The following MYH13 variants were observed in gnomAD, a reference collection of about 807,000 sequenced individuals.
MYH13 encodes the protein myosin heavy chain 13.
MYH13 carries 177 observed loss-of-function variants against 232.1 expected under a neutral mutation model. That is an observed-to-expected ratio of 0.76 (90% CI 0.67 to 0.86). The LOEUF is 0.86. MYH13 is among the 40% of genes least tolerant of loss of function. The probability of loss-of-function intolerance (pLI) is 0.00; values close to 1 mark genes in which losing one functional copy is unlikely to be tolerated. For synonymous variants in MYH13, 884 were observed against 923.5 expected (o/e 0.96, Z 0.78); for missense variants, 2,246 against 2,405.9 (o/e 0.93, Z 1.39).
At chr17:10,329,200 T>C (rs1016862845) in intron 21 of MYH13, among the ~76,000 whole-genome samples, 2 of 152,192 alleles carry the variant, frequency 1.3e-5, no homozygotes, top group Admixed American at 1.3e-4. Context: ...CGGTTCATTA[T>C]GGCTCTGACA....
chr17:10,308,443 C>CTT (rs57432823), intron 35 of MYH13, among the ~76,000 whole-genome samples: 18 of 113,108 alleles, frequency 1.6e-4, no homozygotes, highest in South Asian at 2.7e-4. Flanking sequence ...TTAATTAAAA[C>CTT]TTTTTTTTTT....
At chr17:10,302,896 C>T (rs554003507) in intron 39 of MYH13, among the ~76,000 whole-genome samples, 16 of 150,694 alleles carry the variant, frequency 1.1e-4, no homozygotes, top group African/African-American at 2.7e-4. Context: ...GGTGATCCAA[C>T]GCCAGCAGAG....
At chr17:10,318,494 C>T (rs563073226) in intron 27 of MYH13, among the ~76,000 whole-genome samples, 30 of 152,248 alleles carry the variant, frequency 2.0e-4, no homozygotes, top group Admixed American at 6.5e-4. Flanking sequence ...AACAGGCCTC[C>T]GACAGACACC....
chr17:10,323,257 G>C (rs1370716858), intron 23 of MYH13, among the ~76,000 whole-genome samples: 1 of 152,132 alleles, frequency 6.6e-6, no homozygotes, highest in Non-Finnish European at 1.5e-5. Context: ...CTTTCCCAAA[G>C]GCTGCATCAG....
At chr17:10,366,146 G>T (rs921453126) in intron 2 of MYH13, among the ~76,000 whole-genome samples, 1 of 151,906 alleles carries the variant, frequency 6.6e-6, no homozygotes, top group Non-Finnish European at 1.5e-5. Flanking sequence ...TAAGGTTCCC[G>T]TAAGTCCTGT....
chr17:10,328,003 CCTT>C lies in MYH13; in HGVS notation c.2551_2553del (p.Lys851del). 2 of 1,614,184 alleles carry C rather than the reference CCTT, an allele frequency of 1.2e-6. No homozygotes were observed. Among genetic ancestry groups the C allele is most frequent in the Non-Finnish European group, 1.7e-6 (2 of 1,180,040 alleles). ...AAGTCTTCCTTCATGGTGGCCATCTCCTTCTCGGCCTCTGCACTCTTCAGCAGG... is the reference window on the plus strand; with the variant it reads ...AAGTCTTCCTTCATGGTGGCCATCTCCTCGGCCTCTGCACTCTTCAGCAGG... On this transcript the variant is annotated inframe_deletion, in exon 22 of 41. Transcript: ENST00000252172.
At position 10,357,746 on chromosome 17, in the gene MYH13, A is replaced by G; in HGVS notation, c.727T>C (p.Ser243Pro). 6.2e-7 allele frequency: 1 copy of G among 1,613,586 alleles called. No homozygotes were observed. Among genetic ancestry groups the G allele is most frequent in the Admixed American group, 1.7e-5 (1 of 60,000 alleles). ...GGGCCGGATCTTACAAATCTTGAGG[A>G]GTTGTCATTCCTCACAGTCTTGGCA... ...GNAKTVRNDNSSRFGKFIRIH... is the reference protein window; with the variant it reads ...GNAKTVRNDNPSRFGKFIRIH... The change falls in exon 8 of 41, where the codon TCC becomes CCC. Residue 243 changes from serine to proline, a missense_variant. By Grantham distance (74) the Ser-to-Pro change is moderately conservative (BLOSUM62 -1). Coordinates refer to ENST00000252172, the MANE Select transcript of MYH13 (RefSeq NM_003802.3).
At position 10,362,443 on chromosome 17, in the gene MYH13, C is replaced by T. The variant is rs1361268933; in HGVS notation, c.265G>A (p.Glu89Lys). ...AGGTGAGTCATCATGGCCATGTCCT[C>T]GATCTTGTCAAATTTGGGAGGGTTC... ...PMNPPKFDKI[E>K]DMAMMTHLHE... The change falls in exon 4 of 41, where the codon GAG becomes AAG. Residue 89 changes from glutamate to lysine, a missense_variant. Coordinates refer to ENST00000252172, the MANE Select transcript of MYH13 (RefSeq NM_003802.3). 2 of 1,614,140 alleles carry T rather than the reference C, an allele frequency of 1.2e-6. No homozygotes were observed. Among genetic ancestry groups the T allele is most frequent in the Non-Finnish European group, 1.7e-6 (2 of 1,180,022 alleles).
At chr17:10,357,920 T>A in intron 7 of MYH13, 93 bp from the exon 8 acceptor site, 8 of 1,135,696 alleles carry the variant, frequency 7.0e-6, no homozygotes, top group Non-Finnish European at 1.0e-5. Context: ...CTGGGCAGGT[T>A]CAGGTAGAGA....
intron 11 of MYH13, among the ~76,000 whole-genome samples, chr17:10,353,558 C>A (rs1159005690): frequency 6.6e-6 from 1 of 152,072 alleles, no homozygotes; most frequent in African/African-American, 2.4e-5. Context: ...GTTAGGCAGA[C>A]CTGTGTTTAA....
chr17:10,305,024 G>T (rs910490050), intron 37 of MYH13, among the ~76,000 whole-genome samples: 1 of 152,178 alleles, frequency 6.6e-6, no homozygotes, highest in Admixed American at 6.5e-5. Context: ...AATCGGACAG[G>T]CTTACTCTGG....
In MYH13 at chr17:10,357,796, T is replaced by C. The variant is rs757208790; in HGVS notation, c.677A>G (p.Asn226Ser). 2 of 1,613,886 alleles carry C rather than the reference T, an allele frequency of 1.2e-6. No homozygotes were observed. Among genetic ancestry groups the C allele is most frequent in the South Asian group, 2.2e-5 (2 of 91,020 alleles). Residue 226 changes from asparagine (N) to serine (S), a missense_variant, in exon 8 of 41, where the codon AAC (asparagine) becomes AGC (serine). Coordinates refer to ENST00000252172, the MANE Select transcript of MYH13 (RefSeq NM_003802.3). The part of the protein sequence containing the change: ...GTLEDQIIQA[N>S]PLLEAFGNAK... ...ATTTCCAAAGGCCTCCAGCAGTGGG[T>C]TGGCCTGGATGATCTGATCCTCTAG... is the stretch of plus-strand genomic sequence containing the variant.
rs1272168716 is a variant in MYH13 at position 10,306,359 on chromosome 17, T to C, written c.5466+100A>G. The C allele has an allele frequency of 2.7e-6, 4 of 1,506,960 alleles. No homozygotes were observed. In the African/African-American group the frequency reaches 4.2e-5, roughly 16 times the overall value. 93.3% of individuals were successfully genotyped at this position (1,506,960 alleles called of 1,614,324 possible). A position where few individuals can be genotyped will look rare whatever the true frequency, so the allele number is the denominator to read the frequency against. ...AGCAGTCCTGAAACTGAATTTGCAA[T>C]CTATTCATTCAGTGGCCTTTTCCCA... On this transcript the variant is annotated intron_variant, in intron 37 of 40. Coordinates refer to ENST00000252172, the MANE Select transcript of MYH13 (RefSeq NM_003802.3). This position sits in a 1 kb window ranked among gnomAD's most constrained non-coding sequence, Gnocchi z 4.3.
At chr17:10,345,991 C>CAAAAAAAA (rs1211414796) in intron 13 of MYH13, among the ~76,000 whole-genome samples, 10 of 83,048 alleles carry the variant, frequency 1.2e-4, no homozygotes, top group East Asian at 4.1e-4. Flanking sequence ...GACTCTGTCT[C>CAAAAAAAA]AAAAAAAAAA....
Position 10,320,424 on chromosome 17 carries a change from C to A in MYH13, c.3184G>T (p.Asp1062Tyr). 1 of 1,613,486 alleles carries A rather than the reference C, an allele frequency of 6.2e-7. No homozygotes were observed. The highest frequency in any genetic ancestry group is 8.5e-7 in the Non-Finnish European group (1 of 1,179,666). ...LERAKRKLEG[D>Y]LKMSQESIMD... is the part of the protein sequence containing the mutation. Reference sequence around the variant, plus strand: ...ATGGATTCCTGGGACATTTTCAGATCTCCTTCCAGCTTCCTCTTCGCCCTT... The same window carrying A: ...ATGGATTCCTGGGACATTTTCAGATATCCTTCCAGCTTCCTCTTCGCCCTT... Residue 1062 changes from aspartate (D) to tyrosine (Y), a missense_variant, in exon 25 of 41, where the codon GAT becomes TAT. Asp to Tyr is a radical substitution (Grantham distance 160). Transcript: ENST00000252172.
chr17:10,327,737 A>AATACTCCAC (rs1248556361), intron 22 of MYH13, 129 bp downstream of exon 22: 1 of 1,171,730 alleles, frequency 8.5e-7, no homozygotes, highest in Non-Finnish European at 1.2e-6. Flanking sequence ...GTGGTGCTGC[A>AATACTCCAC]ATACTCCACA....
intron 21 of MYH13, 143 bp downstream of exon 21, chr17:10,330,244 A>G: frequency 8.3e-7 from 1 of 1,202,700 alleles, no homozygotes. Flanking sequence ...CACCCAGCCC[A>G]GGATTGCCGC....
At chr17:10,338,429 A>G (rs1021148767) in intron 18 of MYH13, among the ~76,000 whole-genome samples, 7 of 152,070 alleles carry the variant, frequency 4.6e-5, no homozygotes, top group Admixed American at 2.0e-4. Flanking sequence ...TTCACTAACT[A>G]TAACACACCT....
intron 16 of MYH13, among the ~76,000 whole-genome samples, chr17:10,343,428 C>T (rs952336682): frequency 6.6e-6 from 1 of 152,138 alleles, no homozygotes; most frequent in South Asian, 2.1e-4. Flanking sequence ...AAACTCCTGA[C>T]CTCAAGTGAT....
Sources: gnomAD v4.1 joint callset for allele counts (sites outside exome capture counted in the v4.1 genomes callset) on GRCh38, gnomAD v4.1.1 for gene constraint, Gnocchi (gnomAD v3.1) non-coding constraint, MANE v1.5 for transcripts, NCBI Gene and HGNC (gene_info 2026-07-23, HGNC 2026-07-21) for gene names.